The following MAP4 variants were observed in gnomAD, a reference collection of about 807,000 sequenced individuals.
The protein encoded by MAP4 is microtubule-associated protein 4.
In MAP4, 76 loss-of-function variants were observed where a neutral mutation model predicts 170.2. That is an observed-to-expected ratio of 0.45 (90% CI 0.37 to 0.54). The LOEUF is 0.54. Ranked by LOEUF, MAP4 falls within the 20% of genes least tolerant of loss-of-function variation. MAP4 has a pLI of 0.00. For synonymous variants in MAP4, 909 were observed against 994.5 expected, an observed-to-expected ratio of 0.91 and a Z score of 1.62; for missense variants, 2,506 against 2,748.0, an observed-to-expected ratio of 0.91 and a Z score of 1.97.
chr3:48,040,144 TAA>T (rs1487530094), intron 1 of MAP4, among the ~76,000 whole-genome samples: 1 of 152,172 alleles, frequency 6.6e-6, no homozygotes, highest in Non-Finnish European at 1.5e-5. Flanking sequence ...CCAAAGTGCT[TAA>T]AAGCCATTGA....
At chr3:47,981,477 A>C (rs1279355495) in intron 2 of MAP4, among the ~76,000 whole-genome samples, 1 of 151,950 alleles carries the variant, frequency 6.6e-6, no homozygotes, top group Non-Finnish European at 1.5e-5. Flanking sequence ...AATAATAATA[A>C]AAAAGAACCT....
At chr3:47,979,276 A>T (rs757402041) in intron 2 of MAP4, among the ~76,000 whole-genome samples, 4 of 152,042 alleles carry the variant, frequency 2.6e-5, no homozygotes, top group Non-Finnish European at 5.9e-5. Flanking sequence ...TTAGGTAATT[A>T]GGTAATTATT....
At position 47,910,314 on chromosome 3, in the gene MAP4, T is replaced by C. The variant is rs1396912368; in HGVS notation, c.4107A>G (p.Lys1369=). Residue 1369 remains lysine, a synonymous_variant, in exon 9 of 21, where the codon AAA becomes AAG. Coordinates refer to ENST00000683076, the MANE Select transcript of MAP4 (RefSeq NM_001385682.1). ...TCTCAGGAGAACTATTTTTAACCTT[T>C]TTACTTTTTCCATCATTACTCCTTT... The part of the protein sequence containing the change: ...PSKRSNDGKS[K]KVKNSSPEKH... The C allele has an allele frequency of 6.4e-7, 1 of 1,568,000 alleles. No homozygotes were observed. The highest frequency in any genetic ancestry group is 8.6e-7 in the Non-Finnish European group (1 of 1,161,724).
chr3:47,958,390 C>A (rs1322031918), intron 3 of MAP4, among the ~76,000 whole-genome samples: 2 of 152,182 alleles, frequency 1.3e-5, no homozygotes, highest in African/African-American at 4.8e-5. Flanking sequence ...TAGATATCAA[C>A]TGTGGCCTCA....
rs1188105906 is a variant in MAP4, at chr3:47,851,161, T to C, written c.*1773A>G. On this transcript the variant is annotated 3_prime_UTR_variant, in exon 21 of 21. Coordinates refer to ENST00000683076, the MANE Select transcript of MAP4 (RefSeq NM_001385682.1). ...TGCTGACAAAACACTGGCTCCCTCA[T>C]GTTCTTGGCACAGCAGAAGTGTTCT... 1.3e-5 allele frequency: 2 copies of C among 152,228 alleles called. No homozygotes were observed. The highest frequency in any genetic ancestry group is 4.8e-5 in the African/African-American group (2 of 41,436). The allele number at this position is 152,228 out of a possible 1,614,324, so 9.4% of individuals were successfully genotyped here. A position where few individuals can be genotyped will look rare whatever the true frequency, so the allele number is the denominator to read the frequency against.
intron 2 of MAP4, among the ~76,000 whole-genome samples, chr3:47,983,000 C>T (rs1460230338): frequency 6.6e-6 from 1 of 152,120 alleles, no homozygotes; most frequent in African/African-American, 2.4e-5. Flanking sequence ...CGGGTTCAAG[C>T]AATTCTCCTG....
chr3:47,945,820 A>G (rs2100059479), intron 3 of MAP4, among the ~76,000 whole-genome samples: 1 of 150,918 alleles, frequency 6.6e-6, no homozygotes, highest in East Asian at 1.9e-4. Flanking sequence ...CCTGGGCTCA[A>G]GTGACCTCAG....
chr3:47,992,283 A>G (rs560683795), intron 2 of MAP4, among the ~76,000 whole-genome samples: 5 of 152,166 alleles, frequency 3.3e-5, no homozygotes, highest in African/African-American at 9.6e-5. Context: ...ACAAGACTAA[A>G]TAAGGCGGCT....
chr3:47,952,373 C>A (rs1369137339), intron 3 of MAP4, among the ~76,000 whole-genome samples: 4 of 152,192 alleles, frequency 2.6e-5, no homozygotes, highest in Non-Finnish European at 5.9e-5. Flanking sequence ...GGCCACCACC[C>A]AGTCTGGGAG....
intron 10 of MAP4, among the ~76,000 whole-genome samples, chr3:47,900,870 T>C (rs756210728): frequency 6.6e-6 from 1 of 152,170 alleles, no homozygotes; most frequent in Non-Finnish European, 1.5e-5. Context: ...CTAAACTAGG[T>C]AGAAAGATAA....
intron 1 of MAP4, among the ~76,000 whole-genome samples, chr3:48,009,095 T>G: frequency 6.6e-6 from 1 of 152,146 alleles, no homozygotes. Context: ...TTTGGTTTGT[T>G]GTTGTTGTTG....
chr3:48,017,015 G>C (rs1330888724), upstream of MAP4, among the ~76,000 whole-genome samples: 1 of 152,124 alleles, frequency 6.6e-6, no homozygotes, highest in Non-Finnish European at 1.5e-5. Flanking sequence ...CTGGCCTCAA[G>C]TGATCCACCC....
chr3:47,998,044 G>C (rs2100096938), intron 2 of MAP4, among the ~76,000 whole-genome samples: 1 of 152,150 alleles, frequency 6.6e-6, no homozygotes, highest in South Asian at 2.1e-4. Flanking sequence ...AACTATTCTA[G>C]AAAAGAGAAA....
chr3:47,896,327 C>T (rs925984387), intron 10 of MAP4, among the ~76,000 whole-genome samples: 6 of 151,738 alleles, frequency 4.0e-5, no homozygotes, highest in Non-Finnish European at 5.9e-5. Context: ...GTTGGGAGTT[C>T]GAGACCAGCC....
chr3:48,019,761 C>CA (rs1160141809), upstream of MAP4, among the ~76,000 whole-genome samples: 1 of 152,082 alleles, frequency 6.6e-6, no homozygotes, highest in African/African-American at 2.4e-5. Flanking sequence ...CCTGTGGTCC[C>CA]AGCTCTTGGG....
At chr3:48,009,917 T>G (rs2100104383) in intron 1 of MAP4, among the ~76,000 whole-genome samples, 1 of 152,190 alleles carries the variant, frequency 6.6e-6, no homozygotes, top group African/African-American at 2.4e-5. Flanking sequence ...CTGGACACTT[T>G]GGGCTCCTCC....
chr3:48,000,210 G>A (rs1052389293), intron 1 of MAP4, among the ~76,000 whole-genome samples: 2 of 100,968 alleles, frequency 2.0e-5, no homozygotes, highest in East Asian at 3.3e-4. Context: ...GGAAGTCTCC[G>A]ACTCCCCCAT....
At chr3:47,948,114 C>T (rs2100061306) in intron 3 of MAP4, among the ~76,000 whole-genome samples, 1 of 151,486 alleles carries the variant, frequency 6.6e-6, no homozygotes, top group Non-Finnish European at 1.5e-5. Flanking sequence ...TCTCCTGACT[C>T]AGGCTCCCAA....
In MAP4 at chr3:47,897,944, G is replaced by GGGT. The variant is rs1553770642; in HGVS notation, c.5434+5005_5434+5006insACC. On this transcript the variant is annotated intron_variant, in intron 10 of 20. Transcript: ENST00000683076. ...GCAACAGAGTGAGACTCCATATCGG[G>GGGT]GGGGGGAAAAAAAAAAAAGAAAGAA... is the stretch of plus-strand genomic sequence containing the variant. Among the ~76,000 whole-genome samples, 2 of 146,758 alleles carry GGGT rather than the reference G, an allele frequency of 1.4e-5. 1 individual carries two copies. The highest frequency in any genetic ancestry group is 5.4e-5 in the African/African-American group (2 of 37,160).
Sources: gnomAD v4.1 joint callset for allele counts (sites outside exome capture counted in the v4.1 genomes callset) on GRCh38, gnomAD v4.1.1 for gene constraint, MANE v1.5 for transcripts, NCBI Gene and HGNC (gene_info 2026-07-23, HGNC 2026-07-21) for gene names.